The following CAMK4 variants were observed in gnomAD, a reference collection of about 807,000 sequenced individuals.
CAMK4 encodes the protein calcium/calmodulin-dependent protein kinase type IV.
A neutral mutation model predicts 44.9 loss-of-function variants in CAMK4; 22 were observed. That is an observed-to-expected ratio of 0.49 (90% CI 0.35 to 0.70). The LOEUF is 0.70. CAMK4 is among the 30% of genes least tolerant of loss of function. The pLI, the probability that CAMK4 is intolerant of heterozygous loss-of-function variation, is 0.01. For synonymous variants in CAMK4, 218 were observed against 215.4 expected, an observed-to-expected ratio of 1.01 and a Z score of -0.11; for missense variants, 498 against 586.8, an observed-to-expected ratio of 0.85 and a Z score of 1.56.
intron 5 of CAMK4, among the ~76,000 whole-genome samples, chr5:111,395,248 A>G (rs1013148002): frequency 2.8e-4 from 43 of 151,180 alleles, no homozygotes; most frequent in African/African-American, 1.0e-3. Flanking sequence ...AAGAAAAAGA[A>G]AAAAGAAAAG....
At chr5:111,238,389 T>C (rs1372287156) in intron 1 of CAMK4, among the ~76,000 whole-genome samples, 1 of 152,118 alleles carries the variant, frequency 6.6e-6, no homozygotes, top group East Asian at 1.9e-4. Flanking sequence ...AGTGCTCTTA[T>C]TAAAAGAGTT....
intron 1 of CAMK4, among the ~76,000 whole-genome samples, chr5:111,301,607 A>G (rs1024780778): frequency 1.9e-4 from 29 of 152,330 alleles, no homozygotes; most frequent in Admixed American, 3.9e-4. Context: ...CATAACTCTC[A>G]TAGGGGTACC....
rs542024088 is a variant in CAMK4 at position 111,321,799 on chromosome 5, A to G, written c.162-22225A>G. Among the ~76,000 whole-genome samples, 73 of 152,328 alleles carry G rather than the reference A, an allele frequency of 4.8e-4. 1 individual carries two copies. Among genetic ancestry groups the G allele is most frequent in the Middle Eastern group, 6.8e-3 (2 of 294 alleles). On this transcript the variant is annotated intron_variant, in intron 1 of 10. Coordinates refer to ENST00000282356, the MANE Select transcript of CAMK4 (RefSeq NM_001744.6). The stretch of plus-strand genomic sequence containing the variant: ...ACAATAACAGATGCTGTTGATGTTT[A>G]AAAAGCTGCCTGGAACACCAAAGGG...
intron 5 of CAMK4, among the ~76,000 whole-genome samples, chr5:111,415,829 T>C (rs1203480326): frequency 6.6e-6 from 1 of 152,068 alleles, no homozygotes; most frequent in East Asian, 1.9e-4. Flanking sequence ...AAAAAAATAA[T>C]AAAGAATAAC....
chr5:111,310,406 C>G (rs988608846), intron 1 of CAMK4, among the ~76,000 whole-genome samples: 1 of 152,108 alleles, frequency 6.6e-6, no homozygotes, highest in Non-Finnish European at 1.5e-5. Context: ...ACAGAAGTTC[C>G]GGCACTAATG....
intron 5 of CAMK4, among the ~76,000 whole-genome samples, chr5:111,442,980 A>AT (rs1228683162): frequency 5.4e-5 from 8 of 149,218 alleles, no homozygotes; most frequent in Admixed American, 2.0e-4. Context: ...GGTTTCCAAC[A>AT]TTTTTTTTGA....
chr5:111,452,942 G>A (rs1379633741), intron 7 of CAMK4, among the ~76,000 whole-genome samples: 3 of 151,996 alleles, frequency 2.0e-5, no homozygotes, highest in Non-Finnish European at 4.4e-5. Context: ...ACTATTTTGG[G>A]GATTGAGATG....
intron 9 of CAMK4, among the ~76,000 whole-genome samples, chr5:111,480,562 G>A (rs1017691073): frequency 6.6e-6 from 1 of 152,042 alleles, no homozygotes; most frequent in African/African-American, 2.4e-5. Context: ...AATGTTTATT[G>A]GATGAAACAA....
At chr5:111,272,099 G>A (rs967034979) in intron 1 of CAMK4, among the ~76,000 whole-genome samples, 3 of 147,492 alleles carry the variant, frequency 2.0e-5, no homozygotes, top group Non-Finnish European at 4.4e-5. Flanking sequence ...CCCTCTGTGT[G>A]TGTGTGTTTG....
At chr5:111,445,706 T>G (rs35662410) in intron 5 of CAMK4, among the ~76,000 whole-genome samples, 48,071 of 152,066 alleles carry the variant, frequency 0.32, 8,158 homozygotes, top group Non-Finnish European at 0.38. Flanking sequence ...GGTATTACGG[T>G]CATGAGCCAG....
intron 5 of CAMK4, among the ~76,000 whole-genome samples, chr5:111,413,018 C>T (rs535680307): frequency 3.9e-4 from 60 of 152,260 alleles, no homozygotes; most frequent in South Asian, 2.1e-3. Context: ...TACTGCTGTA[C>T]GCCGCTGCTT....
At chr5:111,445,738 A>G (rs1247116752) in intron 5 of CAMK4, among the ~76,000 whole-genome samples, 1 of 152,242 alleles carries the variant, frequency 6.6e-6, no homozygotes, top group Non-Finnish European at 1.5e-5. Flanking sequence ...GATGTCCTGA[A>G]TATTTGATAT....
chr5:111,335,555 G>A (rs1749365743), intron 1 of CAMK4, among the ~76,000 whole-genome samples: 1 of 151,360 alleles, frequency 6.6e-6, no homozygotes. Flanking sequence ...AGAAAGAAAA[G>A]TTATTCCATA....
intron 5 of CAMK4, among the ~76,000 whole-genome samples, chr5:111,414,880 C>A (rs1325476648): frequency 6.6e-6 from 1 of 152,064 alleles, no homozygotes; most frequent in African/African-American, 2.4e-5. Context: ...GACATATGTA[C>A]CATATCCCCT....
chr5:111,382,616 C>A (rs395772), intron 4 of CAMK4, among the ~76,000 whole-genome samples: 133,710 of 152,042 alleles, frequency 0.88, 59,013 homozygotes, highest in East Asian at 1. Context: ...ACTATTTAAT[C>A]ATTAGAGCAA....
At chr5:111,346,667 A>G (rs1380974804) in intron 2 of CAMK4, among the ~76,000 whole-genome samples, 1 of 151,892 alleles carries the variant, frequency 6.6e-6, no homozygotes, top group Non-Finnish European at 1.5e-5. Context: ...GGTTGGTTCC[A>G]TCTTAGGGCT....
chr5:111,483,970 C>T, intron 10 of CAMK4, 56 bp from the exon 11 acceptor site: 3 of 1,333,034 alleles, frequency 2.3e-6, no homozygotes, highest in Non-Finnish European at 3.1e-6. Flanking sequence ...GGGTTGAGCT[C>T]TGATGTGGGG....
chr5:111,250,815 A>G (rs1215118555), intron 1 of CAMK4, among the ~76,000 whole-genome samples: 1 of 152,086 alleles, frequency 6.6e-6, no homozygotes, highest in African/African-American at 2.4e-5. Flanking sequence ...CATATTTTAA[A>G]AAAGTTTATG....
chr5:111,389,081 A>G (rs990001114), intron 4 of CAMK4, among the ~76,000 whole-genome samples: 1 of 152,188 alleles, frequency 6.6e-6, no homozygotes, highest in Non-Finnish European at 1.5e-5. Flanking sequence ...TTTATTTCTC[A>G]TGGTTCTGGA....
Sources: gnomAD v4.1 joint callset for allele counts (sites outside exome capture counted in the v4.1 genomes callset) on GRCh38, gnomAD v4.1.1 for gene constraint, MANE v1.5 for transcripts, NCBI Gene and HGNC (gene_info 2026-07-23, HGNC 2026-07-21) for gene names.